CSMD1: variants seen among roughly 807,000 people sequenced by gnomAD.
CSMD1 encodes CUB and sushi domain-containing protein 1.
Under a neutral mutation model 417.5 loss-of-function variants are expected in CSMD1, and 213 were observed. The ratio of observed to expected loss-of-function variants is 0.51; its 90% CI spans 0.46 to 0.57. The LOEUF (loss-of-function observed/expected upper bound fraction) is 0.57. Ranked by LOEUF, CSMD1 falls within the 20% of genes least tolerant of loss-of-function variation. CSMD1 has a pLI of 0.00. For missense variants in CSMD1, 6,923 were observed against 4,529.7 expected (o/e 1.53, Z -15.17); for synonymous variants, 2,862 against 1,736.8 (o/e 1.65, Z -16.11).
chr8:4,450,035 A>G (rs1442182574), intron 2 of CSMD1, among the ~76,000 whole-genome samples: 1 of 151,980 alleles, frequency 6.6e-6, no homozygotes, highest in Non-Finnish European at 1.5e-5. Flanking sequence ...CCTGTCCTTG[A>G]TGACTGGGTT....
At chr8:3,783,918 G>GTA (rs1799313059) in intron 5 of CSMD1, among the ~76,000 whole-genome samples, 1 of 152,208 alleles carries the variant, frequency 6.6e-6, no homozygotes, top group South Asian at 2.1e-4. Flanking sequence ...GAGCTGGGCT[G>GTA]CAGTTTGAAT....
chr8:4,131,393 C>G (rs1003296572), intron 3 of CSMD1, among the ~76,000 whole-genome samples: 2 of 152,100 alleles, frequency 1.3e-5, no homozygotes, highest in Non-Finnish European at 1.5e-5. Context: ...ATCCCTTAAG[C>G]CTTCCTTGAG....
rs555065946 is a variant in CSMD1, at chr8:4,382,998, A to G, written c.415+36955T>C. ...ACTGAGAGGTCGCACCATCGTCTGT[A>G]TATCAGCGCCTTCAGTAAGAATTGG... On this transcript the variant is annotated intron_variant, in intron 3 of 69. Transcript: ENST00000635120. Among the ~76,000 whole-genome samples, 21 of 152,318 alleles carry G rather than the reference A, an allele frequency of 1.4e-4. No individual in the cohort carries two copies. The East Asian group carries it at 2.1e-3, about 15-fold the overall frequency.
chr8:4,402,083 C>T (rs541763843), intron 3 of CSMD1, among the ~76,000 whole-genome samples: 2 of 152,102 alleles, frequency 1.3e-5, no homozygotes, highest in Non-Finnish European at 2.9e-5. Context: ...TTCCTTTGTT[C>T]TCAACCTCCT....
chr8:3,268,812 T>TGGG (rs1261665872), intron 26 of CSMD1, among the ~76,000 whole-genome samples: 2 of 152,126 alleles, frequency 1.3e-5, no homozygotes, highest in Non-Finnish European at 2.9e-5. Context: ...CCCAGGGTCC[T>TGGG]GGGGGACAGT....
intron 7 of CSMD1, among the ~76,000 whole-genome samples, chr8:3,625,905 C>T (rs554576722): frequency 1.2e-4 from 18 of 152,082 alleles, no homozygotes; most frequent in South Asian, 8.3e-4. Flanking sequence ...TGATATATCA[C>T]GGTAGCAGTA....
intron 2 of CSMD1, among the ~76,000 whole-genome samples, chr8:4,450,575 C>A (rs552111411): frequency 6.6e-6 from 1 of 152,164 alleles, no homozygotes; most frequent in African/African-American, 2.4e-5. Context: ...GCAGAGGTTG[C>A]AGCCCAGATC....
At chr8:3,991,074 C>T (rs1204970297) in intron 5 of CSMD1, among the ~76,000 whole-genome samples, 2 of 152,194 alleles carry the variant, frequency 1.3e-5, no homozygotes, top group Non-Finnish European at 2.9e-5. Context: ...CCAGAAATTC[C>T]TTCGCTGCCC....
intron 1 of CSMD1, among the ~76,000 whole-genome samples, chr8:4,703,411 C>A (rs568133268): frequency 3.7e-4 from 56 of 152,298 alleles, no homozygotes; most frequent in Non-Finnish European, 2.1e-4. Flanking sequence ...ATTTCTGTCA[C>A]CTGTAATTTC....
At chr8:4,059,447 C>G (rs1171997092) in intron 3 of CSMD1, among the ~76,000 whole-genome samples, 1 of 152,052 alleles carries the variant, frequency 6.6e-6, no homozygotes, top group African/African-American at 2.4e-5. Context: ...AAAATCAGAG[C>G]AGAACTGAAG....
intron 10 of CSMD1, among the ~76,000 whole-genome samples, chr8:3,512,712 A>G (rs898643832): frequency 6.6e-6 from 1 of 151,198 alleles, no homozygotes; most frequent in African/African-American, 2.4e-5. Context: ...GGGTTCAAGC[A>G]ATTCTCCTGC....
At chr8:3,126,417 G>C (rs1817514366) in intron 41 of CSMD1, among the ~76,000 whole-genome samples, 3 of 152,178 alleles carry the variant, frequency 2.0e-5, no homozygotes, top group Admixed American at 6.5e-5. Flanking sequence ...ATCACTCTAA[G>C]AAAAGGGCAT....
intron 2 of CSMD1, among the ~76,000 whole-genome samples, chr8:4,619,737 T>C (rs554315890): frequency 1.3e-5 from 2 of 152,280 alleles, no homozygotes; most frequent in Admixed American, 6.5e-5. Flanking sequence ...TGTTCTTTGT[T>C]TTCTGAAGAG....
chr8:3,751,327 T>TAA (rs1797330355), intron 6 of CSMD1, among the ~76,000 whole-genome samples: 1 of 118,052 alleles, frequency 8.5e-6, no homozygotes, highest in African/African-American at 2.8e-5. Context: ...TGTGTGTGTG[T>TAA]ATATATATAT....
chr8:4,070,470 A>T (rs767787635), intron 3 of CSMD1, among the ~76,000 whole-genome samples: 1 of 151,788 alleles, frequency 6.6e-6, no homozygotes, highest in South Asian at 2.1e-4. Context: ...CCATTCTCCC[A>T]CCTCAGCCTC....
At chr8:4,771,649 C>A (rs571814517) in intron 1 of CSMD1, among the ~76,000 whole-genome samples, 1 of 152,130 alleles carries the variant, frequency 6.6e-6, no homozygotes, top group South Asian at 2.1e-4. Context: ...ATGATTTCTA[C>A]GCAGTCAAAT....
chr8:4,919,765 T>A (rs1247004482), intron 1 of CSMD1, among the ~76,000 whole-genome samples: 1 of 152,216 alleles, frequency 6.6e-6, no homozygotes, highest in East Asian at 1.9e-4. Flanking sequence ...TAGCCTGTGA[T>A]GGCTGCTCTT....
intron 10 of CSMD1, among the ~76,000 whole-genome samples, chr8:3,569,658 C>G (rs2116912679): frequency 6.6e-6 from 1 of 152,248 alleles, no homozygotes; most frequent in Admixed American, 6.5e-5. Flanking sequence ...CTCTTATGTT[C>G]AATACGTAAT....
chr8:3,241,392 G>A (rs933516630), intron 26 of CSMD1, among the ~76,000 whole-genome samples: 2 of 152,020 alleles, frequency 1.3e-5, no homozygotes, highest in African/African-American at 2.4e-5. Context: ...AGAAGGGGAC[G>A]GTCTTACCCT....
Sources: gnomAD v4.1 joint callset for allele counts (sites outside exome capture counted in the v4.1 genomes callset) on GRCh38, gnomAD v4.1.1 for gene constraint, MANE v1.5 for transcripts, NCBI Gene and HGNC (gene_info 2026-07-23, HGNC 2026-07-21) for gene names.